ASB3: variants seen among roughly 807,000 people sequenced by gnomAD.
The protein encoded by ASB3 is ankyrin repeat and SOCS box containing 3.
ASB3 carries 41 observed loss-of-function variants against 54.5 expected under a neutral mutation model. The ratio of observed to expected loss-of-function variants is 0.75; its 90% CI spans 0.59 to 0.98. The LOEUF (loss-of-function observed/expected upper bound fraction) is 0.98, where lower values mean the gene tolerates loss of function less well. ASB3 is among the 50% of genes least tolerant of loss of function. The probability of loss-of-function intolerance (pLI) is 0.00; values close to 1 mark genes in which losing one functional copy is unlikely to be tolerated. For synonymous variants in ASB3, 266 were observed against 221.2 expected (o/e 1.20, Z -1.80); for missense variants, 733 against 620.0 (o/e 1.18, Z -1.94).
At chr2:53,691,540 A>G (rs1305380095) in intron 9 of ASB3, among the ~76,000 whole-genome samples, 1 of 152,188 alleles carries the variant, frequency 6.6e-6, no homozygotes. Context: ...TCAGTTTTGT[A>G]AAGAGGTTAA....
At chr2:53,707,747 A>C (rs1669865064) in intron 7 of ASB3, among the ~76,000 whole-genome samples, 1 of 151,822 alleles carries the variant, frequency 6.6e-6, no homozygotes, top group Non-Finnish European at 1.5e-5. Context: ...AGATCACTTG[A>C]GCTTACGAGT....
intron 7 of ASB3, among the ~76,000 whole-genome samples, chr2:53,713,156 C>A (rs917836979): frequency 6.6e-6 from 1 of 152,082 alleles, no homozygotes; most frequent in Non-Finnish European, 1.5e-5. Context: ...GCTGGTGAAA[C>A]CCTATCTCTA....
At chr2:53,715,237 C>A (rs1037690584) in intron 6 of ASB3, among the ~76,000 whole-genome samples, 2 of 152,082 alleles carry the variant, frequency 1.3e-5, no homozygotes, top group Non-Finnish European at 2.9e-5. Flanking sequence ...TGTAAACTTA[C>A]CTCTAGCAGT....
chr2:53,698,139 G>A (rs1350535557), intron 8 of ASB3, among the ~76,000 whole-genome samples: 2 of 152,122 alleles, frequency 1.3e-5, no homozygotes, highest in African/African-American at 4.8e-5. Flanking sequence ...TCTAGGTGGA[G>A]GAATCCATGC....
At chr2:53,777,076 T>C (rs774910101) in intron 1 of ASB3, among the ~76,000 whole-genome samples, 1 of 152,232 alleles carries the variant, frequency 6.6e-6, no homozygotes, top group African/African-American at 2.4e-5. Context: ...TTTTACTTAA[T>C]TGTACTGAGC....
chr2:53,700,733 C>T (rs1669442958), intron 7 of ASB3, among the ~76,000 whole-genome samples: 2 of 152,002 alleles, frequency 1.3e-5, no homozygotes, highest in African/African-American at 2.4e-5. Context: ...TTTTAATTTT[C>T]AACTGTGAAC....
chr2:53,701,735 T>C (rs1330784680), intron 7 of ASB3, among the ~76,000 whole-genome samples: 1 of 152,248 alleles, frequency 6.6e-6, no homozygotes, highest in Non-Finnish European at 1.5e-5. Flanking sequence ...AATGTTTTTA[T>C]TCAACTTTCA....
intron 5 of ASB3, among the ~76,000 whole-genome samples, chr2:53,722,393 A>G (rs756859358): frequency 2.0e-5 from 3 of 152,230 alleles, no homozygotes; most frequent in Middle Eastern, 3.2e-3. Flanking sequence ...GTACAGGCCA[A>G]TAGTGCTGAC....
intron 3 of ASB3, among the ~76,000 whole-genome samples, chr2:53,748,665 C>T (rs1032147715): frequency 6.6e-6 from 1 of 151,908 alleles, no homozygotes; most frequent in East Asian, 1.9e-4. Context: ...AAACCCAAAT[C>T]GAAGGATATT....
chr2:53,676,723 T>C (rs1476521932), intron 9 of ASB3, among the ~76,000 whole-genome samples: 1 of 152,188 alleles, frequency 6.6e-6, no homozygotes, highest in African/African-American at 2.4e-5. Context: ...TCCTAGTAAG[T>C]GCCCTATACA....
Position 53,698,481 on chromosome 2 carries a change from C to G in ASB3, c.1238+1790G>C, listed in dbSNP as rs982458828. 2.6e-5 allele frequency among the ~76,000 whole-genome samples: 4 copies of G among 151,576 alleles called. No homozygotes were observed. In the South Asian group the frequency reaches 8.3e-4, roughly 32 times the overall value. On this transcript the variant is annotated intron_variant, in intron 8 of 9. Coordinates refer to ENST00000263634, the MANE Select transcript of ASB3 (RefSeq NM_016115.5). The stretch of plus-strand genomic sequence containing the variant: ...ATTATGTCCTAAGTCATTCCTTTGC[C>G]CTCACATCTCTCTATAAGTGGCCAC...
chr2:53,694,910 T>C (rs1274832582), intron 8 of ASB3, among the ~76,000 whole-genome samples: 2 of 152,114 alleles, frequency 1.3e-5, no homozygotes, highest in South Asian at 2.1e-4. Flanking sequence ...CCAGAAACGA[T>C]TTGAAAACTT....
chr2:53,698,570 T>C (rs1034281863), intron 8 of ASB3, among the ~76,000 whole-genome samples: 3 of 152,184 alleles, frequency 2.0e-5, no homozygotes, highest in Non-Finnish European at 4.4e-5. Flanking sequence ...GATAGCCTAG[T>C]TCATCACTCT....
At chr2:53,702,564 CTTGT>C (rs1572870559) in intron 7 of ASB3, among the ~76,000 whole-genome samples, 1 of 152,112 alleles carries the variant, frequency 6.6e-6, no homozygotes, top group Non-Finnish European at 1.5e-5. Context: ...AAAAGTCTAT[CTTGT>C]TTAACATAAA....
chr2:53,712,803 T>G (rs529726046), intron 7 of ASB3, among the ~76,000 whole-genome samples: 1 of 152,110 alleles, frequency 6.6e-6, no homozygotes, highest in African/African-American at 2.4e-5. Flanking sequence ...AATCATTATA[T>G]TCTGGTCTAA....
chr2:53,670,735 G>C (rs967318850), intron 9 of ASB3, 45 bp from the exon 10 acceptor site: 1 of 1,571,178 alleles, frequency 6.4e-7, no homozygotes, highest in Non-Finnish European at 8.6e-7. Flanking sequence ...TAAACAGAAA[G>C]ATGTAATAGC....
intron 9 of ASB3, among the ~76,000 whole-genome samples, chr2:53,671,000 A>C (rs1667782351): frequency 6.6e-6 from 1 of 152,366 alleles, no homozygotes; most frequent in South Asian, 2.1e-4. Context: ...CAACTTTAGA[A>C]ATGGTGGAAG....
intron 2 of ASB3, among the ~76,000 whole-genome samples, chr2:53,764,006 T>C (rs1426134701): frequency 6.6e-6 from 1 of 152,096 alleles, no homozygotes; most frequent in Non-Finnish European, 1.5e-5. Context: ...TTACCATCTC[T>C]TACCTGTTAA....
intron 9 of ASB3, among the ~76,000 whole-genome samples, chr2:53,689,336 T>C (rs778197994): frequency 2.6e-5 from 4 of 152,190 alleles, no homozygotes; most frequent in Non-Finnish European, 5.9e-5. Context: ...TAAAATAAGG[T>C]TGTGTTCCAA....
Sources: gnomAD v4.1 joint callset for allele counts (sites outside exome capture counted in the v4.1 genomes callset) on GRCh38, gnomAD v4.1.1 for gene constraint, MANE v1.5 for transcripts, NCBI Gene and HGNC (gene_info 2026-07-23, HGNC 2026-07-21) for gene names.